Variants in PRKCE observed in about 807,000 individuals in gnomAD.
PRKCE encodes protein kinase C epsilon, also known as protein kinase C epsilon type.
Under a neutral mutation model 85.4 loss-of-function variants are expected in PRKCE, and 16 were observed. The observed-to-expected ratio is 0.19, with a 90% CI of 0.13 to 0.28. The LOEUF (loss-of-function observed/expected upper bound fraction) is 0.28. PRKCE is among the 10% of genes least tolerant of loss of function. The probability of loss-of-function intolerance (pLI) is 1.00; values close to 1 mark genes in which losing one functional copy is unlikely to be tolerated. For missense variants in PRKCE, 573 were observed against 975.2 expected, an observed-to-expected ratio of 0.59 and a Z score of 5.49; for synonymous variants, 388 against 371.5, an observed-to-expected ratio of 1.04 and a Z score of -0.51.
intron 1 of PRKCE, among the ~76,000 whole-genome samples, chr2:45,820,536 G>T (rs1430743295): frequency 6.6e-6 from 1 of 152,136 alleles, no homozygotes; most frequent in Non-Finnish European, 1.5e-5. Flanking sequence ...GAATTTCAGG[G>T]CTGGGTTTTG....
intron 2 of PRKCE, among the ~76,000 whole-genome samples, chr2:45,868,969 A>G (rs1339082094): frequency 6.6e-6 from 1 of 150,980 alleles, no homozygotes; most frequent in Non-Finnish European, 1.5e-5. Context: ...AAAAAAAAAA[A>G]AAAAGAAAAA....
rs1283862737 is a variant in PRKCE at position 45,905,868 on chromosome 2, T to G, written c.412+62805T>G. On this transcript the variant is annotated intron_variant, in intron 2 of 14. Transcript: ENST00000306156. The surrounding 1 kb of genome is among the most constrained non-coding windows in gnomAD (Gnocchi z 4.4). ...GCTCCCACAGTGGGAATAATTTCCT[T>G]GAAGGTCTTTACTCCAAGAGGTTCC... 1.3e-5 allele frequency among the ~76,000 whole-genome samples: 2 copies of G among 152,198 alleles called. No homozygotes were observed. The highest frequency in any genetic ancestry group is 4.8e-5 in the African/African-American group (2 of 41,454).
At chr2:45,831,426 G>C (rs1690414737) in intron 1 of PRKCE, among the ~76,000 whole-genome samples, 1 of 152,210 alleles carries the variant, frequency 6.6e-6, no homozygotes, top group Non-Finnish European at 1.5e-5. Context: ...GCAGGCAGAG[G>C]ATGGGGAATG....
At chr2:45,695,495 G>A (rs1678070414) in intron 1 of PRKCE, among the ~76,000 whole-genome samples, 1 of 152,154 alleles carries the variant, frequency 6.6e-6, no homozygotes, top group Non-Finnish European at 1.5e-5. Context: ...ATAATAGGCT[G>A]GGCATGGTCG....
At chr2:45,723,331 G>A (rs1204795686) in intron 1 of PRKCE, among the ~76,000 whole-genome samples, 1 of 152,172 alleles carries the variant, frequency 6.6e-6, no homozygotes, top group Admixed American at 6.5e-5. Flanking sequence ...GTTCACATGT[G>A]TTTCCAAGGT....
At chr2:45,709,799 T>C (rs1679451558) in intron 1 of PRKCE, among the ~76,000 whole-genome samples, 1 of 152,212 alleles carries the variant, frequency 6.6e-6, no homozygotes, top group Non-Finnish European at 1.5e-5. Flanking sequence ...CTGTCTCCCC[T>C]GTGACCATGT....
chr2:45,752,113 G>T (rs1351095436), intron 1 of PRKCE, among the ~76,000 whole-genome samples: 2 of 152,026 alleles, frequency 1.3e-5, no homozygotes, highest in African/African-American at 4.8e-5. Flanking sequence ...CACCGCGCCC[G>T]GCAGCTAACC....
chr2:46,023,270 C>A (rs1706836308), intron 10 of PRKCE, among the ~76,000 whole-genome samples: 1 of 152,116 alleles, frequency 6.6e-6, no homozygotes, highest in Non-Finnish European at 1.5e-5. Context: ...CTGGCACACT[C>A]ATTTCATAAA....
At chr2:45,930,906 G>A (rs1395502860) in intron 2 of PRKCE, among the ~76,000 whole-genome samples, 1 of 152,118 alleles carries the variant, frequency 6.6e-6, no homozygotes, top group Non-Finnish European at 1.5e-5. Context: ...CCTTGCTCAG[G>A]GTCAGATTGT....
intron 10 of PRKCE, among the ~76,000 whole-genome samples, chr2:46,013,143 C>T (rs1224108918): frequency 6.6e-6 from 1 of 152,200 alleles, no homozygotes; most frequent in Non-Finnish European, 1.5e-5. Context: ...TCTTAACTTA[C>T]TTATGAAAGG....
chr2:45,852,864 A>T (rs1312815015), intron 2 of PRKCE, among the ~76,000 whole-genome samples: 15 of 152,178 alleles, frequency 9.9e-5, no homozygotes, highest in Admixed American at 3.3e-4. Flanking sequence ...TTGCCTGGAA[A>T]ACCTGTAAAA....
chr2:45,694,293 A>G (rs887284003), intron 1 of PRKCE, among the ~76,000 whole-genome samples: 1 of 151,912 alleles, frequency 6.6e-6, no homozygotes, highest in African/African-American at 2.4e-5. Context: ...CTTCATCACC[A>G]TCCAGGGGAA....
rs147151622 is a variant in PRKCE at position 45,765,046 on chromosome 2, C to T, written c.349-77954C>T. On this transcript the variant is annotated intron_variant, in intron 1 of 14. Coordinates refer to ENST00000306156, the MANE Select transcript of PRKCE (RefSeq NM_005400.3). ...CCCTGTGGCTTTGGCCTGGTACAGTCCAAAATGCCAGCCGCTCAAAAACCC... is the reference window on the plus strand; with the variant it reads ...CCCTGTGGCTTTGGCCTGGTACAGTTCAAAATGCCAGCCGCTCAAAAACCC... Among the ~76,000 whole-genome samples the T allele has an allele frequency of 4.9e-3, 752 of 152,218 alleles. 1 individual carries two copies. Among genetic ancestry groups the T allele is most frequent in the Non-Finnish European group, 7.8e-3 (528 of 68,010 alleles).
At chr2:45,681,506 A>T (rs531092593) in intron 1 of PRKCE, among the ~76,000 whole-genome samples, 1 of 152,224 alleles carries the variant, frequency 6.6e-6, no homozygotes, top group East Asian at 1.9e-4. Context: ...GTAGGCGTTT[A>T]TGATGCACCT....
intron 2 of PRKCE, among the ~76,000 whole-genome samples, chr2:45,853,572 C>T (rs562280084): frequency 6.6e-6 from 1 of 152,196 alleles, no homozygotes; most frequent in African/African-American, 2.4e-5. Flanking sequence ...GCAGGTCGCA[C>T]CTGCTTTTTA....
At chr2:45,734,129 G>A (rs1681833396) in intron 1 of PRKCE, among the ~76,000 whole-genome samples, 1 of 152,202 alleles carries the variant, frequency 6.6e-6, no homozygotes, top group Non-Finnish European at 1.5e-5. Context: ...CACTTTGGGA[G>A]TCCGAGGCAG....
At chr2:46,050,514 A>T (rs998151969) in intron 10 of PRKCE, among the ~76,000 whole-genome samples, 5 of 152,086 alleles carry the variant, frequency 3.3e-5, no homozygotes, top group African/African-American at 1.2e-4. Context: ...TGCCTTCCAC[A>T]CCTCTTCTCT....
intron 11 of PRKCE, among the ~76,000 whole-genome samples, chr2:46,087,870 G>A (rs1574437851): frequency 6.6e-6 from 1 of 152,152 alleles, no homozygotes; most frequent in African/African-American, 2.4e-5. Flanking sequence ...TACTTATGTG[G>A]CTTGCTCCTT....
chr2:45,680,254 T>C (rs549290458), intron 1 of PRKCE, among the ~76,000 whole-genome samples: 2 of 152,302 alleles, frequency 1.3e-5, no homozygotes, highest in East Asian at 3.9e-4. Context: ...ACCAGCAATC[T>C]TAGGAGGTCT....
Sources: gnomAD v4.1 joint callset for allele counts (sites outside exome capture counted in the v4.1 genomes callset) on GRCh38, gnomAD v4.1.1 for gene constraint, Gnocchi (gnomAD v3.1) non-coding constraint, MANE v1.5 for transcripts, NCBI Gene and HGNC (gene_info 2026-07-23, HGNC 2026-07-21) for gene names.